Variants in FANK1 observed in about 807,000 individuals in gnomAD.
FANK1 encodes fibronectin type 3 and ankyrin repeat domains protein 1.
In FANK1, 44 loss-of-function variants were observed where a neutral mutation model predicts 45.3. The observed-to-expected ratio is 0.97, with a 90% confidence interval of 0.76 to 1.25. FANK1 has a LOEUF of 1.25. Among genes scored for constraint, FANK1 ranks in the 50% most tolerant of loss-of-function variants. The pLI is 0.00. For missense variants in FANK1, 391 were observed against 424.4 expected (o/e 0.92, Z 0.69); for synonymous variants, 149 against 152.5 (o/e 0.98, Z 0.17).
In FANK1 at chr10:126,009,509, A is replaced by AAT. The variant is rs1953509958; in HGVS notation, c.*72_*73dup. 2.6e-6 allele frequency: 4 copies of AAT among 1,513,770 alleles called. No individual in the cohort carries two copies. In the African/African-American group the frequency reaches 4.2e-5, roughly 16 times the overall value. The allele number at this position is 1,513,770 out of a possible 1,614,324, so 93.8% of individuals were successfully genotyped here. A position where few individuals can be genotyped will look rare whatever the true frequency, so the allele number is the denominator to read the frequency against. ...CGTGACTGTTAAACTAGGGATGGGA[A>AAT]ATTCTGCATCTTGGGGGGCTGTACA... On this transcript the variant is annotated 3_prime_UTR_variant, in exon 11 of 11. Transcript: ENST00000368693.
intron 1 of FANK1, among the ~76,000 whole-genome samples, chr10:125,920,087 G>C (rs961789892): frequency 6.6e-6 from 1 of 152,094 alleles, no homozygotes; most frequent in Non-Finnish European, 1.5e-5. Flanking sequence ...CCTGTCTCTC[G>C]TACTCTCTGT....
intron 1 of FANK1, among the ~76,000 whole-genome samples, chr10:125,958,368 C>T (rs1949711901): frequency 6.6e-6 from 1 of 152,158 alleles, no homozygotes; most frequent in Non-Finnish European, 1.5e-5. Context: ...TTCTGCATGG[C>T]TGAAGAGGCC....
intron 1 of FANK1, among the ~76,000 whole-genome samples, chr10:125,957,649 C>T (rs1210028554): frequency 2.0e-5 from 3 of 152,004 alleles, no homozygotes; most frequent in Non-Finnish European, 4.4e-5. Context: ...CTCAGCCTCC[C>T]GAGAAGCTGG....
At chr10:125,979,584 T>A (rs1480473395) in intron 1 of FANK1, among the ~76,000 whole-genome samples, 1 of 152,248 alleles carries the variant, frequency 6.6e-6, no homozygotes, top group Non-Finnish European at 1.5e-5. Flanking sequence ...ACCCCATTGT[T>A]ACCAATTTCT....
At chr10:126,006,611 G>A (rs1953224100) in intron 7 of FANK1, among the ~76,000 whole-genome samples, 1 of 152,236 alleles carries the variant, frequency 6.6e-6, no homozygotes, top group Non-Finnish European at 1.5e-5. Context: ...TGTAATCCCA[G>A]CACTTTGGGA....
In FANK1 at chr10:125,913,464, A is replaced by G. The variant is rs188398426; in HGVS notation, c.13+16809A>G. On this transcript the variant is annotated intron_variant, in intron 1 of 10. Coordinates refer to ENST00000368693, the MANE Select transcript of FANK1 (RefSeq NM_145235.5). Reference sequence around the variant, plus strand: ...TGGCGCTCAGCTTCATTCACTAATCAGTTGCCCGTTGGTAACTTGATTACA... The same window carrying G: ...TGGCGCTCAGCTTCATTCACTAATCGGTTGCCCGTTGGTAACTTGATTACA... 1.9e-3 allele frequency among the ~76,000 whole-genome samples: 295 copies of G among 152,306 alleles called. 2 individuals are homozygous for G. In the Middle Eastern group the frequency reaches 0.02, roughly 11 times the overall value.
chr10:125,933,677 G>C (rs1947895555), intron 1 of FANK1, among the ~76,000 whole-genome samples: 1 of 151,988 alleles, frequency 6.6e-6, no homozygotes, highest in Non-Finnish European at 1.5e-5. Context: ...TGCTGGGTTT[G>C]GGTTTGGTTT....
intron 1 of FANK1, among the ~76,000 whole-genome samples, chr10:125,967,251 G>A (rs1163508228): frequency 6.6e-6 from 1 of 152,200 alleles, no homozygotes; most frequent in Non-Finnish European, 1.5e-5. Context: ...GCACGCCGCT[G>A]GAGTTGGGCT....
intron 2 of FANK1, among the ~76,000 whole-genome samples, chr10:125,982,579 T>C (rs935752318): frequency 2.6e-5 from 4 of 152,256 alleles, no homozygotes; most frequent in African/African-American, 7.2e-5. Flanking sequence ...GCATTAAAAC[T>C]AGCAAATGCT....
intron 1 of FANK1, among the ~76,000 whole-genome samples, chr10:125,948,785 T>C (rs1336438422): frequency 5.3e-5 from 8 of 150,934 alleles, no homozygotes; most frequent in Admixed American, 5.3e-4. Context: ...AGCATCATTC[T>C]GATACCAAAG....
intron 1 of FANK1, among the ~76,000 whole-genome samples, chr10:125,970,758 G>A (rs140419696): frequency 1.6e-4 from 25 of 152,318 alleles, no homozygotes; most frequent in African/African-American, 5.3e-4. Context: ...AGCCGAGATC[G>A]CGGCAGTACA....
intron 3 of FANK1, among the ~76,000 whole-genome samples, chr10:125,990,150 C>T (rs1202420172): frequency 1.3e-5 from 2 of 152,232 alleles, no homozygotes; most frequent in Non-Finnish European, 2.9e-5. Flanking sequence ...TCCCCCACCT[C>T]TATGAACACT....
intron 1 of FANK1, among the ~76,000 whole-genome samples, chr10:125,898,785 T>C (rs1944789115): frequency 1.3e-5 from 2 of 152,284 alleles, no homozygotes; most frequent in African/African-American, 4.8e-5. Context: ...GTGGAAAATA[T>C]TTAATTTATA....
intron 1 of FANK1, among the ~76,000 whole-genome samples, chr10:125,964,393 A>G (rs778407431): frequency 6.6e-6 from 1 of 151,762 alleles, no homozygotes; most frequent in African/African-American, 2.4e-5. Context: ...GGGTTTCACT[A>G]TGTTGGCCAG....
At chr10:126,007,008 GC>G (rs1345141056) in intron 7 of FANK1, 1 of 152,230 alleles carries the variant, frequency 6.6e-6, no homozygotes, top group African/African-American at 2.4e-5. Flanking sequence ...GAACTACTTT[GC>G]AGAGGACAGA....
chr10:126,003,871 T>C (rs1952969502), intron 6 of FANK1, among the ~76,000 whole-genome samples: 1 of 152,026 alleles, frequency 6.6e-6, no homozygotes, highest in Non-Finnish European at 1.5e-5. Flanking sequence ...AGATGAAGTT[T>C]TGCTGTGTTG....
chr10:125,950,727 G>T (rs1170086888), intron 1 of FANK1, among the ~76,000 whole-genome samples: 1 of 151,596 alleles, frequency 6.6e-6, no homozygotes, highest in Non-Finnish European at 1.5e-5. Context: ...ATTTGACCCA[G>T]CCATCCCATT....
At chr10:125,917,999 G>A (rs1360271607) in intron 1 of FANK1, among the ~76,000 whole-genome samples, 21 of 152,324 alleles carry the variant, frequency 1.4e-4, no homozygotes, top group Admixed American at 4.6e-4. Context: ...TGGATCACTC[G>A]AATCTGGGGG....
At chr10:125,945,446 A>T (rs1948720328) in intron 1 of FANK1, among the ~76,000 whole-genome samples, 1 of 152,240 alleles carries the variant, frequency 6.6e-6, no homozygotes. Flanking sequence ...TGGGAAGCGC[A>T]AGGGGTCAGG....
Sources: allele counts gnomAD v4.1 joint callset (sites outside exome capture counted in the v4.1 genomes callset), GRCh38; gene constraint gnomAD v4.1.1; transcripts MANE v1.5; gene names NCBI Gene and HGNC (gene_info 2026-07-23, HGNC 2026-07-21).